PKD1L1: variants seen among roughly 807,000 people sequenced by gnomAD.
The protein encoded by PKD1L1 is polycystin 1 like 1, transient receptor potential channel interacting.
In PKD1L1, 236 loss-of-function variants were observed where a neutral mutation model predicts 323.4. That is an observed-to-expected ratio of 0.73 (90% CI 0.66 to 0.81). PKD1L1 has a LOEUF of 0.81. Ranked by LOEUF, PKD1L1 falls within the 40% of genes least tolerant of loss-of-function variation. PKD1L1 has a pLI of 0.00. For missense variants in PKD1L1, 3,320 were observed against 3,508.0 expected, an observed-to-expected ratio of 0.95 and a Z score of 1.35; for synonymous variants, 1,344 against 1,335.0, an observed-to-expected ratio of 1.01 and a Z score of -0.15.
At chr7:47,822,308 T>A (rs1785157366) in intron 45 of PKD1L1, among the ~76,000 whole-genome samples, 1 of 152,100 alleles carries the variant, frequency 6.6e-6, no homozygotes, top group South Asian at 2.1e-4. Context: ...TTGTGGTATT[T>A]TGCCGGGCGC....
At position 47,815,441 on chromosome 7, in the gene PKD1L1, A is replaced by C. The variant is rs1378903496; in HGVS notation, c.6982T>G (p.Leu2328Val). 1.2e-6 allele frequency: 2 copies of C among 1,614,042 alleles called. No homozygotes were observed. The highest frequency in any genetic ancestry group is 1.7e-6 in the Non-Finnish European group (2 of 1,179,976). ...TCAGCGATGTTTCTCAGGCCACCCA[A>C]GCAGTTTCTGGCATTTCTTAATGCA... The part of the protein sequence containing the change: ...KEFTRNARNC[L>V]GGLRNIADWW... The change falls in exon 47 of 57, where the codon TTG becomes GTG. Residue 2328 changes from leucine (L) to valine (V), a missense_variant. Leu to Val is a conservative substitution (Grantham distance 32). Transcript: ENST00000289672.
At chr7:47,911,195 T>C (rs1787315019) in intron 8 of PKD1L1, among the ~76,000 whole-genome samples, 1 of 152,158 alleles carries the variant, frequency 6.6e-6, no homozygotes, top group African/African-American at 2.4e-5. Flanking sequence ...TGACTTCTCT[T>C]GAAATCTGGC....
At chr7:47,794,947 C>T (rs1323190855) in intron 55 of PKD1L1, among the ~76,000 whole-genome samples, 2 of 152,156 alleles carry the variant, frequency 1.3e-5, no homozygotes, top group Non-Finnish European at 2.9e-5. Context: ...GTTGTATTTA[C>T]CCAATCCCTG....
chr7:47,859,128 A>G (rs947540229), intron 26 of PKD1L1, among the ~76,000 whole-genome samples: 4 of 152,232 alleles, frequency 2.6e-5, no homozygotes, highest in African/African-American at 9.6e-5. Context: ...CTAGGTGACT[A>G]TTGGCCAGCT....
chr7:47,949,368 C>CAAAAGAAAAAAAA (rs1788167790), upstream of PKD1L1, among the ~76,000 whole-genome samples: 1 of 57,134 alleles, frequency 1.8e-5, no homozygotes, highest in Non-Finnish European at 3.2e-5. Context: ...GGCTCTGTCT[C>CAAAAGAAAAAAAA]AAAAAAAAAA....
intron 3 of PKD1L1, among the ~76,000 whole-genome samples, chr7:47,938,956 A>G (rs1787929979): frequency 6.6e-6 from 1 of 152,228 alleles, no homozygotes; most frequent in African/African-American, 2.4e-5. Flanking sequence ...CAAGTGTTCA[A>G]GAAGCATGAG....
At chr7:47,798,109 G>A (rs893366490) in intron 54 of PKD1L1, among the ~76,000 whole-genome samples, 1 of 152,084 alleles carries the variant, frequency 6.6e-6, no homozygotes, top group African/African-American at 2.4e-5. Context: ...AAAACATATT[G>A]AAAGGCAAAA....
At chr7:47,959,713 C>T in the PKD1L1 span, among the ~76,000 whole-genome samples, 115 of 116,084 alleles carry the variant, frequency 9.9e-4, no homozygotes, top group South Asian at 1.1e-3. Flanking sequence ...GTCAGCCCCC[C>T]GCCCAGCCAG....
At position 47,932,116 on chromosome 7, in the gene PKD1L1, C is replaced by T. The variant is rs752241433; in HGVS notation, c.399-60G>A. On this transcript the variant is annotated intron_variant, in intron 4 of 56. Coordinates refer to ENST00000289672, the MANE Select transcript of PKD1L1 (RefSeq NM_138295.5). Reference sequence around the variant, plus strand: ...ACCCGGTCATGTTTCAGTCACATATCTGGCTTATTTGATTACAAATCATGC... The same window carrying T: ...ACCCGGTCATGTTTCAGTCACATATTTGGCTTATTTGATTACAAATCATGC... The T allele has an allele frequency of 3.2e-6, 5 of 1,554,514 alleles. No individual in the cohort carries two copies. The Admixed American group carries it at 5.9e-5, about 18-fold the overall frequency.
rs1380513783 is a variant in PKD1L1 at position 47,840,788 on chromosome 7, A to G, written c.5446-221T>C. Among the ~76,000 whole-genome samples, 1 of 152,212 alleles carries G rather than the reference A, an allele frequency of 6.6e-6. No individual in the cohort carries two copies. The highest frequency in any genetic ancestry group is 1.9e-4 in the East Asian group (1 of 5,192). On this transcript the variant is annotated intron_variant, in intron 34 of 56. Transcript: ENST00000289672. The surrounding 1 kb of genome is among the most constrained non-coding windows in gnomAD (Gnocchi z 4.1). ...GAGCCTCGAAGTGGAGCCTGGTAGA[A>G]TTGGCCATTTCCTCACCTATTTGAT... is the stretch of plus-strand genomic sequence containing the variant.
Position 47,880,249 on chromosome 7 carries a change from T to TAG in PKD1L1, c.3520+478_3520+479insCT, listed in dbSNP as rs1424463564. Among the ~76,000 whole-genome samples, 169 of 101,576 alleles carry TAG rather than the reference T, an allele frequency of 1.7e-3. 5 individuals carry two copies. Among genetic ancestry groups the TAG allele is most frequent in the African/African-American group, 7.8e-3 (166 of 21,276 alleles). 66.6% of individuals were successfully genotyped at this position (101,576 alleles called of 152,430 possible). ...GTGCAGTTGTCTAGCATAAATAAGA[T>TAG]ATATATATATATATACATATATATA... On this transcript the variant is annotated intron_variant, in intron 21 of 56. Transcript: ENST00000289672.
At chr7:47,884,803 G>A in intron 18 of PKD1L1, 146 bp from the exon 19 acceptor site, 1 of 726,504 alleles carries the variant, frequency 1.4e-6, no homozygotes, top group Non-Finnish European at 2.3e-6. Flanking sequence ...TACCCTCAGT[G>A]GTGGTGTCTT....
In PKD1L1 at chr7:47,779,921, T is replaced by A. The variant is rs552223926; in HGVS notation, c.8527-4755A>T. Among the ~76,000 whole-genome samples, 5 of 152,362 alleles carry A rather than the reference T, an allele frequency of 3.3e-5. No individual in the cohort carries two copies. The South Asian group carries it at 1.0e-3, about 32-fold the overall frequency. ...GTTATGCACATTTGTGACTAGACTA[T>A]TCTCTTGTTTGCTAGGAAAAATAAT... is the stretch of plus-strand genomic sequence containing the variant. On this transcript the variant is annotated intron_variant, in intron 56 of 56. Coordinates refer to ENST00000289672, the MANE Select transcript of PKD1L1 (RefSeq NM_138295.5).
At chr7:47,893,604 C>G (rs1026951775) in intron 15 of PKD1L1, among the ~76,000 whole-genome samples, 7 of 152,188 alleles carry the variant, frequency 4.6e-5, no homozygotes, top group Non-Finnish European at 8.8e-5. Flanking sequence ...ACCACGGCAT[C>G]TCACTAACCA....
chr7:47,841,490 A>G (rs1003781919), intron 34 of PKD1L1, among the ~76,000 whole-genome samples: 4 of 152,174 alleles, frequency 2.6e-5, no homozygotes, highest in Non-Finnish European at 5.9e-5. Flanking sequence ...GAATTTTAGG[A>G]TCAGTTTTCC....
intron 56 of PKD1L1, among the ~76,000 whole-genome samples, chr7:47,791,377 T>C (rs947155675): frequency 6.6e-6 from 1 of 152,212 alleles, no homozygotes; most frequent in Non-Finnish European, 1.5e-5. Context: ...TTTCCATTTC[T>C]TTCCTCAACT....
chr7:47,854,031 T>G (rs1785843926), intron 30 of PKD1L1, among the ~76,000 whole-genome samples: 1 of 152,226 alleles, frequency 6.6e-6, no homozygotes, highest in Non-Finnish European at 1.5e-5. Context: ...AGAACTGATT[T>G]ACCTTTTCTG....
At chr7:47,862,999 T>C (rs1786066324) in intron 26 of PKD1L1, among the ~76,000 whole-genome samples, 1 of 152,118 alleles carries the variant, frequency 6.6e-6, no homozygotes, top group Non-Finnish European at 1.5e-5. Context: ...GACAGGACAG[T>C]GAGAGAAACT....
chr7:47,890,479 T>C (rs1002552810), intron 16 of PKD1L1, 63 bp downstream of exon 16: 1 of 1,522,806 alleles, frequency 6.6e-7, no homozygotes, highest in Admixed American at 1.7e-5. Flanking sequence ...CTTTCACGGA[T>C]GCTAGCACCA....
Sources: allele counts gnomAD v4.1 joint callset (sites outside exome capture counted in the v4.1 genomes callset), GRCh38; gene constraint gnomAD v4.1.1; non-coding constraint Gnocchi (gnomAD v3.1); transcripts MANE v1.5; gene names NCBI Gene and HGNC (gene_info 2026-07-23, HGNC 2026-07-21).